SLC38A11: variants seen among roughly 807,000 people sequenced by gnomAD.
The protein encoded by SLC38A11 is solute carrier family 38 member 11, also known as putative sodium-coupled neutral amino acid transporter 11.
A neutral mutation model predicts 49.4 loss-of-function variants in SLC38A11; 51 were observed. That is an observed-to-expected ratio of 1.03 (90% CI 0.83 to 1.30). The LOEUF (loss-of-function observed/expected upper bound fraction) is 1.30. SLC38A11 is among the 50% of genes most tolerant of loss of function. SLC38A11 has a pLI of 0.00. For missense variants in SLC38A11, 574 were observed against 556.2 expected (o/e 1.03, Z -0.32); for synonymous variants, 203 against 192.9 (o/e 1.05, Z -0.43).
At chr2:164,935,660 G>A (rs1043321773) in intron 7 of SLC38A11, among the ~76,000 whole-genome samples, 1 of 151,890 alleles carries the variant, frequency 6.6e-6, no homozygotes, top group African/African-American at 2.4e-5. Flanking sequence ...TCCAGTCTGG[G>A]TGACAGAATG....
intron 7 of SLC38A11, among the ~76,000 whole-genome samples, chr2:164,919,337 A>G (rs1686017465): frequency 6.6e-6 from 1 of 152,196 alleles, no homozygotes; most frequent in South Asian, 2.1e-4. Context: ...CTCAAAATGA[A>G]TAAAATAAAA....
At chr2:164,928,081 G>A (rs76518637) in intron 7 of SLC38A11, among the ~76,000 whole-genome samples, 2,150 of 152,124 alleles carry the variant, frequency 0.014, 48 homozygotes, top group African/African-American at 0.049. Flanking sequence ...ACTAACACAG[G>A]GACTGGACTA....
chr2:164,955,091 A>T, intron 1 of SLC38A11, 118 bp downstream of exon 1: 1 of 927,758 alleles, frequency 1.1e-6, no homozygotes, highest in Non-Finnish European at 1.7e-6. Context: ...TTTGTCCCAG[A>T]GAACTTTTCG....
At chr2:164,947,976 C>G (rs1688253918) in intron 3 of SLC38A11, among the ~76,000 whole-genome samples, 1 of 152,192 alleles carries the variant, frequency 6.6e-6, no homozygotes, top group Non-Finnish European at 1.5e-5. Flanking sequence ...ACATTCTCAA[C>G]ATTCTCCCTC....
At chr2:164,950,396 A>G (rs1338465743) in intron 3 of SLC38A11, among the ~76,000 whole-genome samples, 1 of 152,222 alleles carries the variant, frequency 6.6e-6, no homozygotes, top group Non-Finnish European at 1.5e-5. Context: ...AAAGTTCACA[A>G]TGATCACTTA....
chr2:164,919,771 C>A (rs1686050943), intron 7 of SLC38A11, among the ~76,000 whole-genome samples: 1 of 152,032 alleles, frequency 6.6e-6, no homozygotes, highest in Non-Finnish European at 1.5e-5. Context: ...TCATTATTGT[C>A]ATATTGTTAT....
chr2:164,954,947 A>G (rs1027590397), intron 1 of SLC38A11, among the ~76,000 whole-genome samples: 1 of 152,164 alleles, frequency 6.6e-6, no homozygotes, highest in African/African-American at 2.4e-5. Flanking sequence ...AGCAAACTCC[A>G]TCCTAAAATT....
At chr2:164,952,891 A>G (rs1322611702) in intron 2 of SLC38A11, 110 bp from the exon 3 acceptor site, 3 of 747,492 alleles carry the variant, frequency 4.0e-6, no homozygotes, top group Non-Finnish European at 6.9e-6. Context: ...TTATATACTT[A>G]TATGACGTAT....
chr2:164,927,508 A>C (rs962772977), intron 7 of SLC38A11, among the ~76,000 whole-genome samples: 2 of 152,144 alleles, frequency 1.3e-5, no homozygotes, highest in African/African-American at 4.8e-5. Flanking sequence ...CTTTATTTTT[A>C]TATGGTAGCT....
At chr2:164,904,197 T>C (rs1484955301) in intron 11 of SLC38A11, among the ~76,000 whole-genome samples, 1 of 152,154 alleles carries the variant, frequency 6.6e-6, no homozygotes, top group Non-Finnish European at 1.5e-5. Flanking sequence ...TGCTTCATTT[T>C]CTCTCTTTGT....
chr2:164,926,200 T>G (rs1686570580), intron 7 of SLC38A11, among the ~76,000 whole-genome samples: 2 of 152,174 alleles, frequency 1.3e-5, no homozygotes, highest in African/African-American at 4.8e-5. Context: ...AAATTGAGAC[T>G]CGATCTAGTT....
At chr2:164,949,394 A>G (rs895266722) in intron 3 of SLC38A11, among the ~76,000 whole-genome samples, 1 of 152,048 alleles carries the variant, frequency 6.6e-6, no homozygotes, top group Non-Finnish European at 1.5e-5. Flanking sequence ...AGTAGCTGAG[A>G]CTACAGACAC....
chr2:164,922,061 T>G (rs2105473104), intron 7 of SLC38A11: 1 of 152,298 alleles, frequency 6.6e-6, no homozygotes, highest in East Asian at 1.9e-4. Context: ...AAAGACAAAC[T>G]CTTATCTTTA....
At chr2:164,935,342 T>G (rs780667514) in intron 7 of SLC38A11, among the ~76,000 whole-genome samples, 5 of 151,742 alleles carry the variant, frequency 3.3e-5, no homozygotes, top group Admixed American at 6.6e-5. Context: ...AATGAATAAA[T>G]GGCCATATTG....
intron 11 of SLC38A11, among the ~76,000 whole-genome samples, chr2:164,902,909 A>T (rs1299533210): frequency 1.3e-5 from 2 of 152,206 alleles, no homozygotes; most frequent in Non-Finnish European, 2.9e-5. Flanking sequence ...TCTAATTTAG[A>T]ATATATGGAA....
At chr2:164,905,879 A>G (rs555201124) in intron 11 of SLC38A11, among the ~76,000 whole-genome samples, 20 of 152,302 alleles carry the variant, frequency 1.3e-4, no homozygotes, top group African/African-American at 4.3e-4. Context: ...TTCACAATGT[A>G]TTCTTCTATG....
intron 7 of SLC38A11, among the ~76,000 whole-genome samples, chr2:164,935,056 T>C (rs1409938649): frequency 6.6e-6 from 1 of 152,160 alleles, no homozygotes; most frequent in African/African-American, 2.4e-5. Context: ...TTTTTCTTCC[T>C]CCAGGAAACC....
intron 7 of SLC38A11, among the ~76,000 whole-genome samples, chr2:164,935,481 G>A (rs1350963815): frequency 7.1e-6 from 1 of 141,186 alleles, no homozygotes; most frequent in African/African-American, 2.6e-5. Context: ...GCTGGCCTGG[G>A]CAACATAGTG....
In SLC38A11 at chr2:164,945,581, CA is replaced by C. The variant is rs1225876904; in HGVS notation, c.364+11del. On this transcript the variant is annotated intron_variant, in intron 4 of 11. Coordinates refer to ENST00000685975, the MANE Select transcript of SLC38A11 (RefSeq NM_001351537.2). ...CACATAATTGCAATATTTATCTTCA[CA>C]GTCAACTTACCTATAAAAGGATACA... 3.8e-6 allele frequency: 6 copies of C among 1,577,934 alleles called. No individual in the cohort carries two copies. The Admixed American group carries it at 8.4e-5, about 22-fold the overall frequency.
Sources: gnomAD v4.1 joint callset for allele counts (sites outside exome capture counted in the v4.1 genomes callset) on GRCh38, gnomAD v4.1.1 for gene constraint, MANE v1.5 for transcripts, NCBI Gene and HGNC (gene_info 2026-07-23, HGNC 2026-07-21) for gene names.